The following GTF2I variants were observed in gnomAD, a reference collection of about 807,000 sequenced individuals.
The protein encoded by GTF2I is general transcription factor IIi.
A neutral mutation model predicts 67.6 loss-of-function variants in GTF2I; 12 were observed. The ratio of observed to expected loss-of-function variants is 0.18; its 90% CI spans 0.11 to 0.29. GTF2I has a LOEUF of 0.29. Among genes scored for constraint, GTF2I ranks in the 10% least tolerant of loss-of-function variants. The pLI is 1.00. For missense variants in GTF2I, 271 were observed against 580.1 expected, an observed-to-expected ratio of 0.47 and a Z score of 5.47; for synonymous variants, 149 against 197.0, an observed-to-expected ratio of 0.76 and a Z score of 2.04.
At chr7:74,698,459 G>A (rs1400062119) in intron 3 of GTF2I, among the ~76,000 whole-genome samples, 1 of 141,568 alleles carries the variant, frequency 7.1e-6, no homozygotes, top group Non-Finnish European at 1.5e-5. Flanking sequence ...AGGCTGGAGT[G>A]CTGTGGTATG....
At chr7:74,705,993 C>T (rs1329747124) in intron 7 of GTF2I, among the ~76,000 whole-genome samples, 1 of 152,056 alleles carries the variant, frequency 6.6e-6, no homozygotes, top group Non-Finnish European at 1.5e-5. Flanking sequence ...CCCTCTGTGG[C>T]TCAGGCTGGA....
chr7:74,703,617 T>C (rs1790141804), intron 6 of GTF2I, among the ~76,000 whole-genome samples: 1 of 152,172 alleles, frequency 6.6e-6, no homozygotes, highest in Admixed American at 6.6e-5. Flanking sequence ...AGACCTCAGG[T>C]GATCCACCTG....
chr7:74,675,541 G>A (rs1554392117), intron 1 of GTF2I, among the ~76,000 whole-genome samples: 1 of 152,060 alleles, frequency 6.6e-6, no homozygotes, highest in Non-Finnish European at 1.5e-5. Context: ...CTATTTCTTT[G>A]AGAGGCTGTT....
chr7:74,665,014 A>G (rs1554388005), intron 1 of GTF2I, among the ~76,000 whole-genome samples: 1 of 148,158 alleles, frequency 6.7e-6, no homozygotes, highest in African/African-American at 2.5e-5. Context: ...CGCCTGGCTC[A>G]CCGCAATCTC....
At chr7:74,662,926 C>G (rs1052662942) in intron 1 of GTF2I, among the ~76,000 whole-genome samples, 3 of 152,072 alleles carry the variant, frequency 2.0e-5, no homozygotes, top group African/African-American at 7.2e-5. Context: ...CACCTACACC[C>G]TTAGGCGAGT....
chr7:74,721,844 A>C (rs1279076886), intron 12 of GTF2I, among the ~76,000 whole-genome samples: 5 of 152,132 alleles, frequency 3.3e-5, no homozygotes, highest in African/African-American at 9.7e-5. Flanking sequence ...CTCTAATATA[A>C]AATGTTCAGT....
chr7:74,662,569 C>G (rs10253955), intron 1 of GTF2I, among the ~76,000 whole-genome samples: 1 of 133,176 alleles, frequency 7.5e-6, no homozygotes, highest in Non-Finnish European at 1.5e-5. Context: ...ATCGCCCAGG[C>G]GGGAGTGTAG....
At chr7:74,658,437 C>G (rs1322732565) in intron 1 of GTF2I, among the ~76,000 whole-genome samples, 2 of 145,446 alleles carry the variant, frequency 1.4e-5, no homozygotes, top group Admixed American at 6.8e-5. Context: ...CGCGTGCGAT[C>G]CCGCGCGCGA....
Position 74,691,106 on chromosome 7 carries a change from A to C in GTF2I, c.233A>C (p.Lys78Thr), listed in dbSNP as rs1554396930. 3 of 1,601,178 alleles carry C rather than the reference A, an allele frequency of 1.9e-6. No individual in the cohort carries two copies. The African/African-American group carries it at 4.0e-5, about 21-fold the overall frequency. Residue 78 changes from lysine (K) to threonine (T), a missense_variant, in exon 3 of 35, where the codon AAA (lysine) becomes ACA (threonine). By Grantham distance (78) the Lys-to-Thr change is moderately conservative. Transcript: ENST00000573035. ...AAGGATTTTCAAAAAGATTTTGTAA[A>C]ATATTGTAAGCATTGTATTTTTATC... ...TRKDFQKDFV[K>T]YCVEEEEKAA...
At chr7:74,681,839 G>A (rs1787300081) in intron 1 of GTF2I, among the ~76,000 whole-genome samples, 1 of 152,074 alleles carries the variant, frequency 6.6e-6, no homozygotes, top group South Asian at 2.1e-4. Flanking sequence ...TTGAACCCAG[G>A]AGGTGGAGGT....
At chr7:74,683,726 G>A (rs1399779758) in intron 1 of GTF2I, among the ~76,000 whole-genome samples, 4 of 151,896 alleles carry the variant, frequency 2.6e-5, no homozygotes, top group African/African-American at 9.7e-5. Flanking sequence ...GGTGGCGGGC[G>A]CCTGTCATCC....
intron 14 of GTF2I, among the ~76,000 whole-genome samples, 168 bp from the exon 15 acceptor site, chr7:74,732,311 T>C (rs1794575668): frequency 1.3e-5 from 2 of 151,000 alleles, no homozygotes; most frequent in African/African-American, 4.9e-5. Context: ...GAGGCAGAGC[T>C]TGCAGTGAAC....
chr7:74,673,214 C>A (rs1405036201), intron 1 of GTF2I, among the ~76,000 whole-genome samples: 1 of 152,052 alleles, frequency 6.6e-6, no homozygotes, highest in Non-Finnish European at 1.5e-5. Flanking sequence ...TCATAGCAAT[C>A]CTGAGATGTG....
In GTF2I at chr7:74,699,038, G is replaced by A. The variant is rs1458112170; in HGVS notation, c.316G>A (p.Ala106Thr). The A allele has an allele frequency of 6.4e-7, 1 of 1,553,304 alleles. No individual in the cohort carries two copies. The highest frequency in any genetic ancestry group is 2.3e-5 in the East Asian group (1 of 42,644). The change falls in exon 4 of 35, where the codon GCT becomes ACT. Residue 106 changes from alanine to threonine, a missense_variant. Coordinates refer to ENST00000573035, the MANE Select transcript of GTF2I (RefSeq NM_032999.4). ...TTQANRMSVDAVEIETLRKTV... is the reference protein window; with the variant it reads ...TTQANRMSVDTVEIETLRKTV... Reference sequence around the variant, plus strand: ...CCAGGCAAATCGGATGAGTGTAGATGCTGTAGAAATTGAAACACTCAGAAA... The same window carrying A: ...CCAGGCAAATCGGATGAGTGTAGATACTGTAGAAATTGAAACACTCAGAAA...
intron 8 of GTF2I, among the ~76,000 whole-genome samples, chr7:74,709,495 T>C (rs1791232703): frequency 6.6e-6 from 1 of 151,982 alleles, no homozygotes; most frequent in African/African-American, 2.4e-5. Context: ...TGACCTCAGG[T>C]AATCATCCGC....
At position 74,700,248 on chromosome 7, in the gene GTF2I, G is replaced by A. The variant is rs781983673; in HGVS notation, c.375G>A (p.Gly125=). The A allele has an allele frequency of 6.2e-7, 1 of 1,613,422 alleles. No individual in the cohort carries two copies. The highest frequency in any genetic ancestry group is 8.5e-7 in the Non-Finnish European group (1 of 1,179,664). The part of the protein sequence containing the change: ...TVEDYFCFCY[G]KALGKSTVVP... ...TCATCCGCTTTTCATCTGCCCCAGG[G>A]AAAGCTTTAGGCAAATCCACAGTGG... is the stretch of plus-strand genomic sequence containing the variant. Residue 125 remains glycine (G), a splice_region_variant and synonymous_variant, in exon 5 of 35, where the codon GGG becomes GGA. Transcript: ENST00000573035.
chr7:74,707,624 T>C (rs1790914847), intron 8 of GTF2I, among the ~76,000 whole-genome samples: 1 of 152,224 alleles, frequency 6.6e-6, no homozygotes, highest in African/African-American at 2.4e-5. Context: ...TTTACACTGT[T>C]TGCTGGTTTT....
At chr7:74,661,792 G>A (rs1370956620) in intron 1 of GTF2I, among the ~76,000 whole-genome samples, 1 of 152,204 alleles carries the variant, frequency 6.6e-6, no homozygotes, top group Non-Finnish European at 1.5e-5. Flanking sequence ...GCCATGATTA[G>A]AAAAGTTAAA....
chr7:74,713,639 G>A (rs116874762), intron 9 of GTF2I, among the ~76,000 whole-genome samples: 3 of 152,104 alleles, frequency 2.0e-5, no homozygotes, highest in Admixed American at 1.3e-4. Flanking sequence ...AAACATGCTT[G>A]TAATTGACTT....
Sources: gnomAD v4.1 joint callset for allele counts (sites outside exome capture counted in the v4.1 genomes callset) on GRCh38, gnomAD v4.1.1 for gene constraint, MANE v1.5 for transcripts, NCBI Gene and HGNC (gene_info 2026-07-23, HGNC 2026-07-21) for gene names.